Variants in GSPT1 observed in about 807,000 individuals in gnomAD.
The protein encoded by GSPT1 is G1 to S phase transition 1, also known as eukaryotic peptide chain release factor GTP-binding subunit ERF3A.
In GSPT1, 20 loss-of-function variants were observed where a neutral mutation model predicts 72.5. That is an observed-to-expected ratio of 0.28 (90% CI 0.19 to 0.40). GSPT1 has a LOEUF of 0.40. GSPT1 is among the 10% of genes least tolerant of loss of function. The pLI, the probability that GSPT1 is intolerant of heterozygous loss-of-function variation, is 1.00. For synonymous variants in GSPT1, 334 were observed against 293.5 expected, an observed-to-expected ratio of 1.14 and a Z score of -1.41; for missense variants, 580 against 811.9, an observed-to-expected ratio of 0.71 and a Z score of 3.47.
intron 1 of GSPT1, among the ~76,000 whole-genome samples, chr16:11,903,218 A>G (rs894137890): frequency 2.6e-5 from 4 of 152,040 alleles, no homozygotes; most frequent in Non-Finnish European, 5.9e-5. Context: ...TTAACTATCA[A>G]TCCAGTTTCA....
At position 11,915,702 on chromosome 16, in the gene GSPT1, C is replaced by G. The variant is rs1567456597; in HGVS notation, c.19G>C (p.Gly7Arg). 1.3e-6 allele frequency: 2 copies of G among 1,494,454 alleles called. No homozygotes were observed. Among genetic ancestry groups the G allele is most frequent in the East Asian group, 5.4e-5 (2 of 36,924 alleles). 92.6% of individuals were successfully genotyped at this position (1,494,454 alleles called of 1,614,324 possible). MDPGSG[G>R]GGGGGGGGGS... Reference sequence around the variant, plus strand: ...CCGCCGCCGCCGCCGCCGCCGCCGCCGCCACTGCCCGGATCCATGATCGGG... The same window carrying G: ...CCGCCGCCGCCGCCGCCGCCGCCGCGGCCACTGCCCGGATCCATGATCGGG... The change falls in exon 1 of 15, where the codon GGC becomes CGC. Residue 7 changes from glycine (G) to arginine (R), a missense_variant. Coordinates refer to ENST00000434724, the MANE Select transcript of GSPT1 (RefSeq NM_002094.4).
intron 1 of GSPT1, among the ~76,000 whole-genome samples, chr16:11,910,431 G>T (rs1443117754): frequency 6.6e-6 from 1 of 152,130 alleles, no homozygotes. Context: ...GTTATTTCAA[G>T]TGCCTAGCAT....
At chr16:11,901,409 G>A (rs1360007051) in intron 1 of GSPT1, among the ~76,000 whole-genome samples, 1 of 152,034 alleles carries the variant, frequency 6.6e-6, no homozygotes, top group East Asian at 1.9e-4. Flanking sequence ...ACCCTCTCAA[G>A]GAATGAAATT....
At chr16:11,898,993 G>T (rs532204769) in intron 1 of GSPT1, among the ~76,000 whole-genome samples, 15 of 152,278 alleles carry the variant, frequency 9.9e-5, no homozygotes, top group Non-Finnish European at 1.2e-4. Flanking sequence ...TGGAAGAGAT[G>T]TAGGAGAAAT....
At chr16:11,889,847 C>A (rs570875330) in intron 6 of GSPT1, among the ~76,000 whole-genome samples, 1 of 151,438 alleles carries the variant, frequency 6.6e-6, no homozygotes, top group Non-Finnish European at 1.5e-5. Flanking sequence ...ACCATATTGG[C>A]CAGGGTGGTC....
intron 11 of GSPT1, chr16:11,880,413 G>A (rs2054107196): frequency 6.6e-6 from 1 of 152,054 alleles, no homozygotes; most frequent in Non-Finnish European, 1.5e-5. Context: ...CACGGCACTT[G>A]GCACAATTTT....
chr16:11,894,021 T>G (rs1032917247), intron 5 of GSPT1, among the ~76,000 whole-genome samples: 2 of 151,544 alleles, frequency 1.3e-5, no homozygotes, highest in South Asian at 2.1e-4. Flanking sequence ...CCAGGCTTGG[T>G]TGCATGCACC....
At position 11,896,622 on chromosome 16, in the gene GSPT1, A is replaced by T. The variant is rs1176642659; in HGVS notation, c.600T>A (p.Ser200=). ...TAGGAGCACCTGGCGGTGCAACCAC[A>T]GACTTAGGTTTTGGGATTTCCTCTT... is the stretch of plus-strand genomic sequence containing the variant. ...EEEEEIPKPK[S]VVAPPGAPKK... The change falls in exon 4 of 15, where the codon TCT becomes TCA. Residue 200 remains serine, a synonymous_variant. Coordinates refer to ENST00000434724, the MANE Select transcript of GSPT1 (RefSeq NM_002094.4). 1.9e-6 allele frequency: 3 copies of T among 1,610,040 alleles called. No individual in the cohort carries two copies. Among genetic ancestry groups the T allele is most frequent in the East Asian group, 2.2e-5 (1 of 44,862 alleles).
At chr16:11,876,587 C>T (rs1223733800) in intron 12 of GSPT1, among the ~76,000 whole-genome samples, 1 of 152,080 alleles carries the variant, frequency 6.6e-6, no homozygotes, top group African/African-American at 2.4e-5. Flanking sequence ...ACTAAAAATA[C>T]AAAACAATCA....
chr16:11,900,730 CT>C (rs2054395632), intron 1 of GSPT1, among the ~76,000 whole-genome samples: 1 of 152,156 alleles, frequency 6.6e-6, no homozygotes, highest in Non-Finnish European at 1.5e-5. Context: ...GTGTGGTGGG[CT>C]TCCTCACCAC....
At position 11,915,450 on chromosome 16, in the gene GSPT1, G is replaced by T. The variant is rs762038271; in HGVS notation, c.271C>A (p.Arg91=). Residue 91 remains arginine (R), a synonymous_variant, in exon 1 of 15, where the codon CGG becomes AGG. Transcript: ENST00000434724. ...HAAEFVPSFL[R]GPAAPPPPVG... Reference sequence around the variant, plus strand: ...GGGGGTGGCGGCGCTGCCGGGCCCCGCAGGAAGGACGGCACGAACTCGGCG... The same window carrying T: ...GGGGGTGGCGGCGCTGCCGGGCCCCTCAGGAAGGACGGCACGAACTCGGCG... 4 of 1,540,894 alleles carry T rather than the reference G, an allele frequency of 2.6e-6. No individual in the cohort carries two copies. Among genetic ancestry groups the T allele is most frequent in the Admixed American group, 1.9e-5 (1 of 51,330 alleles).
Position 11,883,078 on chromosome 16 carries a change from G to C in GSPT1, c.1365C>G (p.Val455=), listed in dbSNP as rs545528580. ...TAGATCCTGATTCCAGCTTTCCCAG[G>C]ACCACAGTGCCCATATCCTGATCAA... The part of the protein sequence containing the change: ...VDKYKDMGTV[V]LGKLESGSIC... Residue 455 remains valine (V), a synonymous_variant, in exon 11 of 15, where the codon GTC becomes GTG. Coordinates refer to ENST00000434724, the MANE Select transcript of GSPT1 (RefSeq NM_002094.4). 1 of 1,603,972 alleles carries C rather than the reference G, an allele frequency of 6.2e-7. No individual in the cohort carries two copies. Among genetic ancestry groups the C allele is most frequent in the African/African-American group, 1.3e-5 (1 of 74,630 alleles).
chr16:11,882,949 CCTAT>C, intron 11 of GSPT1, 62 bp downstream of exon 11: 1 of 984,142 alleles, frequency 1.0e-6, no homozygotes, highest in South Asian at 1.3e-5. Flanking sequence ...AGAAGAAGAC[CCTAT>C]CTCTTAAAGA....
At position 11,873,054 on chromosome 16, in the gene GSPT1, G is replaced by C; in HGVS notation, c.*65C>G. The C allele has an allele frequency of 2.4e-6, 2 of 830,332 alleles. No homozygotes were observed. Among genetic ancestry groups the C allele is most frequent in the Non-Finnish European group, 4.0e-6 (2 of 500,148 alleles). The allele number at this position is 830,332 out of a possible 1,614,324, so 51.4% of individuals were successfully genotyped here. On this transcript the variant is annotated 3_prime_UTR_variant, in exon 15 of 15. Coordinates refer to ENST00000434724, the MANE Select transcript of GSPT1 (RefSeq NM_002094.4). ...CAATGGGCAGAAAATAAGAGAAGGCGGTGTGAAGTAGGCTTCTGCAGTCAA... is the reference window on the plus strand; with the variant it reads ...CAATGGGCAGAAAATAAGAGAAGGCCGTGTGAAGTAGGCTTCTGCAGTCAA...
chr16:11,901,895 A>G (rs1202495710), intron 1 of GSPT1, among the ~76,000 whole-genome samples: 1 of 151,918 alleles, frequency 6.6e-6, no homozygotes, highest in East Asian at 1.9e-4. Context: ...CAGGAGTTTG[A>G]GACCAGTCTG....
upstream of GSPT1, chr16:11,916,033 C>T: frequency 6.2e-6 from 4 of 645,064 alleles, no homozygotes; most frequent in Non-Finnish European, 1.2e-5. Flanking sequence ...CCCTCGCCGC[C>T]ACCCGTACCT....
intron 1 of GSPT1, among the ~76,000 whole-genome samples, chr16:11,899,952 G>T (rs1252653867): frequency 6.6e-6 from 1 of 152,088 alleles, no homozygotes; most frequent in Non-Finnish European, 1.5e-5. Context: ...AGAATAATTT[G>T]TTTAGTGTCA....
Position 11,892,519 on chromosome 16 carries a change from A to AAT in GSPT1, c.699-1381_699-1380insAT, listed in dbSNP as rs1473554249. Reference sequence around the variant, plus strand: ...GAGACCCTTTCTCAAAAAAACAAAAAAAACAAAAAAAACAAAAAATAAAAA... The same window carrying AAT: ...GAGACCCTTTCTCAAAAAAACAAAAAATAAACAAAAAAAACAAAAAATAAAAA... On this transcript the variant is annotated intron_variant, in intron 5 of 14. Coordinates refer to ENST00000434724, the MANE Select transcript of GSPT1 (RefSeq NM_002094.4). Among the ~76,000 whole-genome samples, 655 of 142,750 alleles carry AAT rather than the reference A, an allele frequency of 4.6e-3. 26 individuals are homozygous for AAT. The highest frequency in any genetic ancestry group is 0.017 in the African/African-American group (619 of 35,758). 93.6% of individuals were successfully genotyped at this position (142,750 alleles called of 152,430 possible). A position where few individuals can be genotyped will look rare whatever the true frequency, so the allele number is the denominator to read the frequency against.
intron 14 of GSPT1, 71 bp downstream of exon 14, chr16:11,875,690 C>G: frequency 9.1e-7 from 1 of 1,093,214 alleles, no homozygotes; most frequent in South Asian, 1.5e-5. Flanking sequence ...GTGTACTGTA[C>G]TGAGATGATG....
Sources: gnomAD v4.1 joint callset for allele counts (sites outside exome capture counted in the v4.1 genomes callset) on GRCh38, gnomAD v4.1.1 for gene constraint, MANE v1.5 for transcripts, NCBI Gene and HGNC (gene_info 2026-07-23, HGNC 2026-07-21) for gene names.